ARHGEF10: variants seen among roughly 807,000 people sequenced by gnomAD.
ARHGEF10 encodes the protein Rho guanine nucleotide exchange factor 10.
Under a neutral mutation model 147.4 loss-of-function variants are expected in ARHGEF10, and 140 were observed. The ratio of observed to expected loss-of-function variants is 0.95; its 90% CI spans 0.83 to 1.09. ARHGEF10 has a LOEUF of 1.09. ARHGEF10 is among the 50% of genes least tolerant of loss of function. ARHGEF10 has a pLI of 0.00. For synonymous variants in ARHGEF10, 902 were observed against 695.8 expected (o/e 1.30, Z -4.67); for missense variants, 2,222 against 1,752.7 (o/e 1.27, Z -4.78).
chr8:1,885,275 TATTTA>T (rs1393128703), intron 10 of ARHGEF10, among the ~76,000 whole-genome samples: 1 of 152,242 alleles, frequency 6.6e-6, no homozygotes, highest in Non-Finnish European at 1.5e-5. Context: ...GAAACTAAAA[TATTTA>T]ATTTAGGAAA....
intron 2 of ARHGEF10, among the ~76,000 whole-genome samples, chr8:1,846,050 C>G (rs187676230): frequency 1.3e-5 from 2 of 152,354 alleles, no homozygotes; most frequent in East Asian, 3.9e-4. Flanking sequence ...AGCCTCAGGG[C>G]TGGTCACTAG....
chr8:1,884,335 G>T (rs1243411608), intron 10 of ARHGEF10, among the ~76,000 whole-genome samples: 1 of 151,442 alleles, frequency 6.6e-6, no homozygotes, highest in Admixed American at 6.6e-5. Flanking sequence ...GGCGGAGCTT[G>T]CAGTGAGCCG....
intron 4 of ARHGEF10, among the ~76,000 whole-genome samples, chr8:1,863,415 C>T (rs1473925653): frequency 1.3e-5 from 2 of 152,220 alleles, no homozygotes; most frequent in Non-Finnish European, 2.9e-5. Context: ...CCAACTGCTG[C>T]GGTTTGAAAA....
intron 1 of ARHGEF10, among the ~76,000 whole-genome samples, chr8:1,839,500 G>C (rs1157181039): frequency 1.4e-5 from 2 of 143,488 alleles, no homozygotes; most frequent in African/African-American, 2.7e-5. Context: ...TCTGGTGTGG[G>C]GACTGTCCGG....
At chr8:1,931,573 C>T (rs377625388) in intron 25 of ARHGEF10, among the ~76,000 whole-genome samples, 2 of 152,178 alleles carry the variant, frequency 1.3e-5, no homozygotes, top group East Asian at 3.9e-4. Context: ...GCGAGGCAGC[C>T]TGCGCAGAAG....
intron 1 of ARHGEF10, among the ~76,000 whole-genome samples, chr8:1,843,057 C>T (rs1000037426): frequency 2.6e-5 from 4 of 152,226 alleles, no homozygotes; most frequent in Non-Finnish European, 5.9e-5. Context: ...GGAGTTAAAG[C>T]CAGTGTCATT....
intron 1 of ARHGEF10, among the ~76,000 whole-genome samples, chr8:1,841,392 G>C (rs1164938946): frequency 6.6e-6 from 1 of 152,210 alleles, no homozygotes; most frequent in Admixed American, 6.5e-5. Context: ...AGCAGAAAGG[G>C]GGTCAGAGAG....
At chr8:1,930,460 GC>G in intron 25 of ARHGEF10, among the ~76,000 whole-genome samples, 1 of 152,274 alleles carries the variant, frequency 6.6e-6, no homozygotes, top group African/African-American at 2.4e-5. Flanking sequence ...TTGTTATTGA[GC>G]TTTTTAAACT....
chr8:1,854,047 C>G (rs1298670845), intron 2 of ARHGEF10, among the ~76,000 whole-genome samples: 2 of 152,196 alleles, frequency 1.3e-5, no homozygotes, highest in Non-Finnish European at 2.9e-5. Context: ...GGGCTGGTGT[C>G]AGAACTAAAC....
At chr8:1,870,059 GGGC>G in intron 7 of ARHGEF10, 1 of 153,152 alleles carries the variant, frequency 6.5e-6, no homozygotes, top group South Asian at 2.1e-4. Flanking sequence ...GGGAAGTGTC[GGGC>G]GTGTGGAGAG....
intron 18 of ARHGEF10, among the ~76,000 whole-genome samples, chr8:1,919,718 C>T (rs1196895975): frequency 5.4e-5 from 6 of 110,334 alleles, no homozygotes; most frequent in Admixed American, 9.9e-5. Context: ...GCTGTTCTGT[C>T]AGTGATGGAG....
chr8:1,849,049 A>G (rs1020642820), intron 2 of ARHGEF10, among the ~76,000 whole-genome samples: 63 of 152,228 alleles, frequency 4.1e-4, no homozygotes, highest in African/African-American at 1.5e-3. Context: ...ACCATCACAC[A>G]GTCAGTGCTG....
At chr8:1,860,933 T>G (rs868355814) in intron 4 of ARHGEF10, among the ~76,000 whole-genome samples, 1 of 152,182 alleles carries the variant, frequency 6.6e-6, no homozygotes, top group South Asian at 2.1e-4. Flanking sequence ...TTCCCACTCA[T>G]GCTTTTCCTC....
intron 11 of ARHGEF10, among the ~76,000 whole-genome samples, chr8:1,890,458 G>A (rs867158816): frequency 6.7e-6 from 1 of 150,162 alleles, no homozygotes; most frequent in Non-Finnish European, 1.5e-5. Flanking sequence ...AGTGAGTGGG[G>A]TGAGTGTTGT....
At chr8:1,945,681 G>A (rs768672126) in intron 27 of ARHGEF10, 26 bp downstream of exon 27, 4 of 1,614,002 alleles carry the variant, frequency 2.5e-6, no homozygotes, top group African/African-American at 1.3e-5. Flanking sequence ...GGGGCCCAGG[G>A]ATGGGACAGC....
intron 25 of ARHGEF10, among the ~76,000 whole-genome samples, chr8:1,931,115 G>A (rs1220467737): frequency 6.6e-6 from 1 of 152,202 alleles, no homozygotes; most frequent in African/African-American, 2.4e-5. Flanking sequence ...CTCCTTGGCC[G>A]GCTTTCCCGT....
chr8:1,841,297 C>T (rs2129048903), intron 1 of ARHGEF10, among the ~76,000 whole-genome samples: 1 of 152,324 alleles, frequency 6.6e-6, no homozygotes. Flanking sequence ...ATTTGGGTCA[C>T]GTGTGAGGCC....
chr8:1,922,832 C>G, intron 18 of ARHGEF10, 132 bp from the exon 19 acceptor site: 1 of 655,652 alleles, frequency 1.5e-6, no homozygotes, highest in South Asian at 1.8e-5. Flanking sequence ...AAAATGTCCA[C>G]TTTTTAAAAG....
intron 18 of ARHGEF10, among the ~76,000 whole-genome samples, chr8:1,913,798 A>G (rs1322316530): frequency 6.6e-6 from 1 of 152,206 alleles, no homozygotes; most frequent in Non-Finnish European, 1.5e-5. Context: ...GTGCTTCTGT[A>G]CAGTTGAGCT....
Sources: allele counts gnomAD v4.1 joint callset (sites outside exome capture counted in the v4.1 genomes callset), GRCh38; gene constraint gnomAD v4.1.1; transcripts MANE v1.5; gene names NCBI Gene and HGNC (gene_info 2026-07-23, HGNC 2026-07-21).